The following TMEM19 variants were observed in gnomAD, a reference collection of about 807,000 sequenced individuals.
TMEM19 encodes the protein transmembrane protein 19.
In TMEM19, 21 loss-of-function variants were observed where a neutral mutation model predicts 33.6. The ratio of observed to expected loss-of-function variants is 0.62; its 90% CI spans 0.44 to 0.90. The LOEUF (loss-of-function observed/expected upper bound fraction) is 0.90. Among genes scored for constraint, TMEM19 ranks in the 40% least tolerant of loss-of-function variants. The probability of loss-of-function intolerance (pLI) is 0.00; values close to 1 mark genes in which losing one functional copy is unlikely to be tolerated. For missense variants in TMEM19, 402 were observed against 401.8 expected (o/e 1.00, Z 0.00); for synonymous variants, 149 against 147.5 (o/e 1.01, Z -0.07).
In TMEM19 at chr12:71,686,730, C is replaced by A. The variant is rs1881696269; in HGVS notation, c.50C>A (p.Thr17Asn). ...NICKRYIKMI[T>N]NIVILSLIIC... ...TGCAAAAGATATATAAAGATGATAA[C>A]TAATATAGTTATACTGAGCCTGATC... Residue 17 changes from threonine to asparagine, a missense_variant, in exon 1 of 6, where the codon ACT becomes AAT. Transcript: ENST00000266673. 4 of 1,612,320 alleles carry A rather than the reference C, an allele frequency of 2.5e-6. No individual in the cohort carries two copies.
intron 1 of TMEM19, among the ~76,000 whole-genome samples, chr12:71,687,588 G>T (rs952037515): frequency 5.9e-5 from 9 of 152,028 alleles, no homozygotes; most frequent in Admixed American, 3.9e-4. Flanking sequence ...TAGTTTATCA[G>T]TTTCACATGT....
chr12:71,692,907 A>C (rs1881808045), intron 2 of TMEM19, among the ~76,000 whole-genome samples: 1 of 151,990 alleles, frequency 6.6e-6, no homozygotes, highest in South Asian at 2.1e-4. Context: ...TAAAAAAAAA[A>C]ATTATGGCCA....
chr12:71,696,635 T>TTTTCTG (rs1881876269), intron 3 of TMEM19, 62 bp downstream of exon 3: 1 of 1,440,756 alleles, frequency 6.9e-7, no homozygotes, highest in Admixed American at 2.5e-5. Context: ...CATAAGGTTT[T>TTTTCTG]TTTTTGTTTT....
At chr12:71,697,567 G>C in intron 4 of TMEM19, 33 bp downstream of exon 4, 1 of 1,549,764 alleles carries the variant, frequency 6.5e-7, no homozygotes, top group Non-Finnish European at 8.6e-7. Context: ...CCCATTGGTA[G>C]ACACAGTTGG....
At chr12:71,697,186 T>G in intron 3 of TMEM19, 94 bp from the exon 4 acceptor site, 3 of 1,482,764 alleles carry the variant, frequency 2.0e-6, no homozygotes, top group Non-Finnish European at 2.7e-6. Context: ...TTGTTTTTCT[T>G]TTCTTAAACT....
chr12:71,690,820 G>A (rs1488590726), intron 2 of TMEM19, among the ~76,000 whole-genome samples: 1 of 152,130 alleles, frequency 6.6e-6, no homozygotes, highest in Non-Finnish European at 1.5e-5. Flanking sequence ...ATATTTTAGA[G>A]GCTTATTTGA....
chr12:71,699,145 A>G (rs1041761733), intron 5 of TMEM19, 36 bp downstream of exon 5: 2 of 1,605,758 alleles, frequency 1.2e-6, no homozygotes, highest in African/African-American at 2.7e-5. Context: ...ACTTATTGGT[A>G]TGTTAAAGAA....
intron 2 of TMEM19, among the ~76,000 whole-genome samples, chr12:71,691,812 CCTT>C (rs1465379041): frequency 1.3e-5 from 2 of 151,450 alleles, no homozygotes; most frequent in Non-Finnish European, 2.9e-5. Context: ...AAGGTCAAGT[CCTT>C]CTTGAAATTC....
In TMEM19 at chr12:71,690,177, A is replaced by T. The variant is rs373821527; in HGVS notation, c.244+473A>T. Among the ~76,000 whole-genome samples the T allele has an allele frequency of 5.9e-5, 9 of 151,864 alleles. No individual in the cohort carries two copies. In the South Asian group the frequency reaches 8.3e-4, roughly 14 times the overall value. ...TCTTTTAGCAATTTTTTTTTTCCCG[A>T]GACAGTCTTGCTCTGTTGCCCAGGC... is the stretch of plus-strand genomic sequence containing the variant. On this transcript the variant is annotated intron_variant, in intron 2 of 5. Transcript: ENST00000266673.
rs768525960 is a variant in TMEM19 at position 71,699,023 on chromosome 12, A to C, written c.761A>C (p.Gln254Pro). The C allele has an allele frequency of 6.2e-7, 1 of 1,614,214 alleles. No individual in the cohort carries two copies. The highest frequency in any genetic ancestry group is 1.1e-5 in the South Asian group (1 of 91,084). The change falls in exon 5 of 6, where the codon CAG becomes CCG. Residue 254 changes from glutamine (Q) to proline (P), a missense_variant. Physicochemically the swap from Gln to Pro is moderately conservative, Grantham distance 76. Coordinates refer to ENST00000266673, the MANE Select transcript of TMEM19 (RefSeq NM_018279.4). ...AATGATTTAGACATTTCTGCCCCGC[A>C]GTGGCCAATTATTGCATTTGGTGGT... ...FVNDLDISAPQWPIIAFGGLA... is the reference protein window; with the variant it reads ...FVNDLDISAPPWPIIAFGGLA...
intron 2 of TMEM19, among the ~76,000 whole-genome samples, chr12:71,693,683 A>G (rs570556833): frequency 7.9e-5 from 12 of 152,272 alleles, no homozygotes; most frequent in African/African-American, 2.9e-4. Flanking sequence ...CTCCACACAA[A>G]TCTCATCTTG....
intron 2 of TMEM19, among the ~76,000 whole-genome samples, chr12:71,692,695 C>G (rs1881804664): frequency 6.6e-6 from 1 of 152,070 alleles, no homozygotes; most frequent in African/African-American, 2.4e-5. Context: ...GCCACTTGAT[C>G]TGCTTGAGCA....
intron 2 of TMEM19, 98 bp from the exon 3 acceptor site, chr12:71,696,338 A>G (rs1313114548): frequency 6.3e-6 from 7 of 1,115,822 alleles, no homozygotes; most frequent in Non-Finnish European, 7.4e-6. Flanking sequence ...TGTACATTTC[A>G]GGTTATAATA....
chr12:71,688,609 G>A (rs1348638744), intron 1 of TMEM19, among the ~76,000 whole-genome samples: 3 of 152,138 alleles, frequency 2.0e-5, no homozygotes, highest in Non-Finnish European at 4.4e-5. Context: ...ACTTTGCCTT[G>A]GCGTTTAGGA....
intron 2 of TMEM19, among the ~76,000 whole-genome samples, chr12:71,691,726 T>C (rs117321555): frequency 0.06 from 9,000 of 149,102 alleles, 312 homozygotes; most frequent in South Asian, 0.085. Flanking sequence ...AACAGAGTGA[T>C]ACCCTGTGTC....
rs200282974 is a variant in TMEM19 at position 71,698,980 on chromosome 12, A to G, written c.718A>G (p.Thr240Ala). Residue 240 changes from threonine to alanine, a missense_variant, in exon 5 of 6, where the codon ACA becomes GCA. Thr to Ala is a moderately conservative substitution (Grantham distance 58). Transcript: ENST00000266673. The stretch of plus-strand genomic sequence containing the variant: ...CTTTGTGGGCATTGCATACTTCCTC[A>G]CACAGCTGATTTTTGTGAATGATTT... ...GTFVGIAYFL[T>A]QLIFVNDLDI... The G allele has an allele frequency of 3.7e-6, 6 of 1,614,100 alleles. No homozygotes were observed. In the East Asian group the frequency reaches 1.3e-4, roughly 36 times the overall value.
At chr12:71,692,810 G>A (rs1003062942) in intron 2 of TMEM19, among the ~76,000 whole-genome samples, 3 of 151,896 alleles carry the variant, frequency 2.0e-5, no homozygotes, top group Non-Finnish European at 4.4e-5. Context: ...TAGATGATTA[G>A]GAATAGATGT....
At chr12:71,690,183 T>C (rs1348653626) in intron 2 of TMEM19, among the ~76,000 whole-genome samples, 1 of 151,976 alleles carries the variant, frequency 6.6e-6, no homozygotes, top group Non-Finnish European at 1.5e-5. Flanking sequence ...CCCGAGACAG[T>C]CTTGCTCTGT....
At chr12:71,688,761 A>G (rs1257678739) in intron 1 of TMEM19, among the ~76,000 whole-genome samples, 1 of 152,212 alleles carries the variant, frequency 6.6e-6, no homozygotes, top group Non-Finnish European at 1.5e-5. Flanking sequence ...CTGGATTTTT[A>G]TATGATATCT....
Sources: allele counts gnomAD v4.1 joint callset (sites outside exome capture counted in the v4.1 genomes callset), GRCh38; gene constraint gnomAD v4.1.1; transcripts MANE v1.5; gene names NCBI Gene and HGNC (gene_info 2026-07-23, HGNC 2026-07-21).